WIF1: variants seen among roughly 807,000 people sequenced by gnomAD.
The protein encoded by WIF1 is Wnt inhibitory factor 1.
Under a neutral mutation model 53.5 loss-of-function variants are expected in WIF1, and 35 were observed. The ratio of observed to expected loss-of-function variants is 0.65; its 90% CI spans 0.50 to 0.87. The LOEUF (loss-of-function observed/expected upper bound fraction) is 0.87, where lower values mean the gene tolerates loss of function less well. WIF1 is among the 40% of genes least tolerant of loss of function. WIF1 has a pLI of 0.00. For synonymous variants in WIF1, 171 were observed against 170.4 expected (o/e 1.00, Z -0.03); for missense variants, 467 against 476.8 (o/e 0.98, Z 0.19).
At chr12:65,090,347 A>G (rs948716271) in intron 2 of WIF1, among the ~76,000 whole-genome samples, 1 of 152,168 alleles carries the variant, frequency 6.6e-6, no homozygotes, top group African/African-American at 2.4e-5. Flanking sequence ...CCTTACATTC[A>G]TTCAACATAT....
intron 2 of WIF1, among the ~76,000 whole-genome samples, chr12:65,097,944 G>A (rs548249788): frequency 3.9e-5 from 6 of 152,140 alleles, no homozygotes; most frequent in Non-Finnish European, 4.4e-5. Flanking sequence ...GAAGAAGTGA[G>A]GAAGAGAGGA....
intron 2 of WIF1, among the ~76,000 whole-genome samples, chr12:65,112,106 A>G (rs1883440165): frequency 6.6e-6 from 1 of 152,306 alleles, no homozygotes; most frequent in East Asian, 1.9e-4. Flanking sequence ...CAAATATTTG[A>G]AGATGCAGGC....
At chr12:65,066,299 T>G (rs974461175) in intron 6 of WIF1, among the ~76,000 whole-genome samples, 15 of 152,134 alleles carry the variant, frequency 9.9e-5, no homozygotes, top group African/African-American at 3.6e-4. Flanking sequence ...TTTTTAGCAG[T>G]GCTTACTTCA....
At chr12:65,065,486 A>G (rs569403019) in intron 6 of WIF1, among the ~76,000 whole-genome samples, 37 of 152,308 alleles carry the variant, frequency 2.4e-4, no homozygotes, top group African/African-American at 7.9e-4. Flanking sequence ...ACATAACTGT[A>G]GGAAAGTACT....
chr12:65,119,761 A>G (rs1021163415), intron 2 of WIF1, among the ~76,000 whole-genome samples: 35 of 152,202 alleles, frequency 2.3e-4, no homozygotes, highest in Admixed American at 7.9e-4. Flanking sequence ...ATAAAAATGT[A>G]CAAAAGGTAA....
At chr12:65,053,623 T>C (rs1882477757) in intron 9 of WIF1, among the ~76,000 whole-genome samples, 1 of 152,122 alleles carries the variant, frequency 6.6e-6, no homozygotes, top group Non-Finnish European at 1.5e-5. Flanking sequence ...GAGTCAAACC[T>C]CTTTCCTTTA....
At chr12:65,078,835 C>A (rs1882903176) in intron 2 of WIF1, among the ~76,000 whole-genome samples, 1 of 152,144 alleles carries the variant, frequency 6.6e-6, no homozygotes, top group African/African-American at 2.4e-5. Context: ...CACTATAGAG[C>A]TTTAATGCTT....
At chr12:65,115,411 A>G (rs1038927725) in intron 2 of WIF1, among the ~76,000 whole-genome samples, 4 of 152,184 alleles carry the variant, frequency 2.6e-5, no homozygotes, top group African/African-American at 9.7e-5. Flanking sequence ...CTAATGTTCG[A>G]TTCTGATTTG....
intron 2 of WIF1, among the ~76,000 whole-genome samples, chr12:65,093,042 G>T (rs1883149467): frequency 6.6e-6 from 1 of 152,060 alleles, no homozygotes; most frequent in Admixed American, 6.6e-5. Context: ...TTTAAATAAG[G>T]ATCATAATTT....
intron 6 of WIF1, among the ~76,000 whole-genome samples, chr12:65,065,263 G>C (rs1882670792): frequency 6.6e-6 from 1 of 152,244 alleles, no homozygotes; most frequent in African/African-American, 2.4e-5. Flanking sequence ...GATAGAAAAA[G>C]CATGGTCCAC....
chr12:65,098,633 G>A (rs920590327), intron 2 of WIF1, among the ~76,000 whole-genome samples: 15 of 151,726 alleles, frequency 9.9e-5, no homozygotes, highest in African/African-American at 3.4e-4. Context: ...CTCAGCTATT[G>A]CCTCAAAATT....
intron 7 of WIF1, among the ~76,000 whole-genome samples, chr12:65,057,710 C>G (rs977306460): frequency 6.6e-6 from 1 of 152,090 alleles, no homozygotes; most frequent in African/African-American, 2.4e-5. Context: ...AAAATTTATC[C>G]TAAACCAACC....
At chr12:65,061,162 A>G (rs745751899) in intron 7 of WIF1, among the ~76,000 whole-genome samples, 1 of 152,220 alleles carries the variant, frequency 6.6e-6, no homozygotes, top group Non-Finnish European at 1.5e-5. Context: ...TACATGTTCT[A>G]TGGAAACTTT....
chr12:65,089,375 A>G (rs1204618283), intron 2 of WIF1, among the ~76,000 whole-genome samples: 1 of 152,084 alleles, frequency 6.6e-6, no homozygotes, highest in Non-Finnish European at 1.5e-5. Flanking sequence ...CAAAATTCAG[A>G]CATTTCTCCC....
At chr12:65,055,040 T>A (rs943322205) in intron 9 of WIF1, 78 bp downstream of exon 9, 1 of 1,440,030 alleles carries the variant, frequency 6.9e-7, no homozygotes, top group African/African-American at 1.4e-5. Context: ...GTGAAAAGGC[T>A]GGCCCTTCTT....
rs1295217091 is a variant in WIF1 at position 65,072,325 on chromosome 12, C to T, written c.398-3421G>A. On this transcript the variant is annotated intron_variant, in intron 3 of 9. Coordinates refer to ENST00000286574, the MANE Select transcript of WIF1 (RefSeq NM_007191.5). ...CTTTCAAGGCCAAAATTAAATAGTA[C>T]TTGCTTTCTTTAGCCTTTCCTAACA... Among the ~76,000 whole-genome samples the T allele has an allele frequency of 2.0e-5, 3 of 152,154 alleles. No homozygotes were observed. The East Asian group carries it at 5.8e-4, about 29-fold the overall frequency.
chr12:65,108,226 T>A (rs1361154219), intron 2 of WIF1, among the ~76,000 whole-genome samples: 1 of 152,182 alleles, frequency 6.6e-6, no homozygotes, highest in Non-Finnish European at 1.5e-5. Context: ...TTTACATTAG[T>A]CTTGTTCATT....
chr12:65,099,885 T>A (rs890740439), intron 2 of WIF1, among the ~76,000 whole-genome samples: 4 of 152,190 alleles, frequency 2.6e-5, no homozygotes, highest in Non-Finnish European at 5.9e-5. Flanking sequence ...TTGATCTACT[T>A]GTTAATCCCA....
intron 2 of WIF1, among the ~76,000 whole-genome samples, chr12:65,094,129 C>T (rs1426576398): frequency 1.3e-5 from 2 of 152,174 alleles, no homozygotes; most frequent in Non-Finnish European, 2.9e-5. Flanking sequence ...TTCACAGCTA[C>T]TGTCAGCCTT....
Sources: allele counts gnomAD v4.1 joint callset (sites outside exome capture counted in the v4.1 genomes callset), GRCh38; gene constraint gnomAD v4.1.1; transcripts MANE v1.5; gene names NCBI Gene and HGNC (gene_info 2026-07-23, HGNC 2026-07-21).